IGF2: variants seen among roughly 807,000 people sequenced by gnomAD.
IGF2 encodes the protein insulin-like growth factor 2.
IGF2 carries 2 observed loss-of-function variants against 12.0 expected under a neutral mutation model. The ratio of observed to expected loss-of-function variants is 0.17; its 90% CI spans 0.07 to 0.52. IGF2 has a LOEUF of 0.52. Among genes scored for constraint, IGF2 ranks in the 20% least tolerant of loss-of-function variants. The pLI is 0.95. For missense variants in IGF2, 211 were observed against 268.0 expected (o/e 0.79, Z 1.48); for synonymous variants, 105 against 110.1 (o/e 0.95, Z 0.29).
upstream of IGF2, among the ~76,000 whole-genome samples, chr11:2,145,185 C>G (rs1249352104): frequency 6.6e-6 from 1 of 152,228 alleles, no homozygotes; most frequent in Non-Finnish European, 1.5e-5. Flanking sequence ...GCAGCCTCCC[C>G]GTGTCCCCAG....
chr11:2,142,111 A>AT (rs1006073650), upstream of IGF2, among the ~76,000 whole-genome samples: 1 of 151,818 alleles, frequency 6.6e-6, no homozygotes. The surrounding 1 kb of genome is among the most constrained non-coding windows in gnomAD (Gnocchi z 5.7). Context: ...ACCCAGGGAC[A>AT]TTTTTTAGTG....
rs11564732 is a variant in IGF2 at position 2,129,665 on chromosome 11, C to T, written c.*3322G>A. ...TGTTCCGAATGGCCCACTCACAGGG[C>T]GCTTGCCGAGGGACCCTCTGCGACT... On this transcript the variant is annotated 3_prime_UTR_variant, in exon 4 of 4. Coordinates refer to ENST00000416167, the MANE Select transcript of IGF2 (RefSeq NM_000612.6). The surrounding 1 kb of genome is among the most constrained non-coding windows in gnomAD (Gnocchi z 8.1). 0.026 allele frequency: 6,046 copies of T among 231,362 alleles called. 285 individuals carry two copies. The highest frequency in any genetic ancestry group is 0.15 in the Admixed American group (2,663 of 17,724). 14.3% of individuals were successfully genotyped at this position (231,362 alleles called of 1,614,324 possible).
chr11:2,129,919 A>G lies in IGF2; in HGVS notation c.*3068T>C, dbSNP rs1442988550. On this transcript the variant is annotated 3_prime_UTR_variant, in exon 4 of 4. Transcript: ENST00000416167. The surrounding 1 kb of genome is among the most constrained non-coding windows in gnomAD (Gnocchi z 8.1). ...ACCCGTGGGCTCCGGGGCCCAAGCA[A>G]CCTGGTCGATGGGCAGACCTGGCAG... 1.7e-5 allele frequency: 4 copies of G among 231,258 alleles called. No individual in the cohort carries two copies. The highest frequency in any genetic ancestry group is 8.9e-5 in the African/African-American group (4 of 45,176). The allele number at this position is 231,258 out of a possible 1,614,324, so 14.3% of individuals were successfully genotyped here. A position where few individuals can be genotyped will look rare whatever the true frequency, so the allele number is the denominator to read the frequency against.
In IGF2 at chr11:2,129,176, A is replaced by C. The variant is rs564295484; in HGVS notation, c.*3811T>G. 7.1e-4 allele frequency: 135 copies of C among 190,614 alleles called. 1 individual carries two copies. The South Asian group carries it at 0.025, about 35-fold the overall frequency. The allele number at this position is 190,614 out of a possible 1,614,324, so 11.8% of individuals were successfully genotyped here. A position where few individuals can be genotyped will look rare whatever the true frequency, so the allele number is the denominator to read the frequency against. ...GTTACAAGGTTAAAGACAAAACCCAAGCATGGGATTTTGCCGGAAATATTA... is the reference window on the plus strand; with the variant it reads ...GTTACAAGGTTAAAGACAAAACCCACGCATGGGATTTTGCCGGAAATATTA... On this transcript the variant is annotated 3_prime_UTR_variant, in exon 4 of 4. Transcript: ENST00000416167. This position sits in a 1 kb window ranked among gnomAD's most constrained non-coding sequence, Gnocchi z 8.1.
chr11:2,146,735 C>T, the IGF2 span: 2 of 272,538 alleles, frequency 7.3e-6, no homozygotes, highest in African/African-American at 2.2e-5. Flanking sequence ...CTGGATCCCT[C>T]CCTGCAGGCC....
In IGF2 at chr11:2,133,157, G is replaced by A. The variant is rs781325329; in HGVS notation, c.373C>T (p.Arg125Cys). 5 of 1,598,008 alleles carry A rather than the reference G, an allele frequency of 3.1e-6. No homozygotes were observed. The highest frequency in any genetic ancestry group is 1.7e-5 in the Admixed American group (1 of 57,614). The change falls in exon 4 of 4, where the codon CGC (arginine) becomes TGC (cysteine). Residue 125 changes from arginine (R) to cysteine (C), a missense_variant. This residue lies in a region of IGF2 where 141 missense variants were observed against 153.1 expected (regional missense o/e 0.92). Coordinates refer to ENST00000416167, the MANE Select transcript of IGF2 (RefSeq NM_000612.6). This position sits in a 1 kb window ranked among gnomAD's most constrained non-coding sequence, Gnocchi z 8.9. ...AGGGCAGGCAGGCCCCTGCGCAGGC[G>A]CTGGGTGGACTGCTTCCAGGTGTCA... ...QYDTWKQSTQRLRRGLPALLR... is the reference protein window; with the variant it reads ...QYDTWKQSTQCLRRGLPALLR...
In IGF2 at chr11:2,133,037, C is replaced by A; in HGVS notation, c.493G>T (p.Asp165Tyr). ...HRPLIALPTQ[D>Y]PAHGGAPPEM... ...GGGGGGGCGCCCCCGTGGGCGGGGTCTTGGGTGGGTAGAGCAATCAGGGGA... is the reference window on the plus strand; with the variant it reads ...GGGGGGGCGCCCCCGTGGGCGGGGTATTGGGTGGGTAGAGCAATCAGGGGA... The change falls in exon 4 of 4, where the codon GAC becomes TAC. Residue 165 changes from aspartate (D) to tyrosine (Y), a missense_variant. Physicochemically the swap from Asp to Tyr is radical, Grantham distance 160. This residue lies in a region of IGF2 where 141 missense variants were observed against 153.1 expected (regional missense o/e 0.92). Transcript: ENST00000416167. The surrounding 1 kb of genome is among the most constrained non-coding windows in gnomAD (Gnocchi z 8.9). 1 of 1,585,754 alleles carries A rather than the reference C, an allele frequency of 6.3e-7. No individual in the cohort carries two copies. The highest frequency in any genetic ancestry group is 1.1e-5 in the South Asian group (1 of 88,558).
the IGF2 span, chr11:2,148,890 A>G: frequency 3.5e-6 from 2 of 567,912 alleles, no homozygotes; most frequent in Non-Finnish European, 3.1e-6. This position sits in a 1 kb window ranked among gnomAD's most constrained non-coding sequence, Gnocchi z 4.3. Flanking sequence ...CAAAAGCCTC[A>G]GTGGCTTTGT....
In IGF2 at chr11:2,138,803, G is replaced by A. The variant is rs1427854638; in HGVS notation, c.-581C>T. On this transcript the variant is annotated 5_prime_UTR_variant, in exon 1 of 4. Coordinates refer to ENST00000416167, the MANE Select transcript of IGF2 (RefSeq NM_000612.6). ...GGGGGCCGGGGCCAGACGCCAAGAG[G>A]GGCGCGGGGAGCACAGAGAAGCGGA... The A allele has an allele frequency of 3.2e-6, 3 of 949,050 alleles. No individual in the cohort carries two copies. The highest frequency in any genetic ancestry group is 1.2e-4 in the East Asian group (1 of 8,468). The allele number at this position is 949,050 out of a possible 1,614,324, so 58.8% of individuals were successfully genotyped here.
chr11:2,143,926 C>T (rs911802377), upstream of IGF2, among the ~76,000 whole-genome samples: 85 of 152,302 alleles, frequency 5.6e-4, no homozygotes, highest in African/African-American at 2.0e-3. Context: ...AAGGAAGGCG[C>T]TGCCGGGGAT....
At position 2,131,993 on chromosome 11, in the gene IGF2, G is replaced by A. The variant is rs945296860; in HGVS notation, c.*994C>T. 5.4e-5 allele frequency: 10 copies of A among 186,542 alleles called. No individual in the cohort carries two copies. Among genetic ancestry groups the A allele is most frequent in the East Asian group, 4.1e-4 (5 of 12,236 alleles). The allele number at this position is 186,542 out of a possible 1,614,324, so 11.6% of individuals were successfully genotyped here. ...ATGTGTGTGCGTGTGTGTGCTGTGC[G>A]TTTGTGTGTGTGCTGTGTGCTCATC... On this transcript the variant is annotated 3_prime_UTR_variant, in exon 4 of 4. Coordinates refer to ENST00000416167, the MANE Select transcript of IGF2 (RefSeq NM_000612.6).
At chr11:2,145,709 C>A (rs1859881139), upstream of IGF2, among the ~76,000 whole-genome samples, 1 of 152,130 alleles carries the variant, frequency 6.6e-6, no homozygotes, top group Non-Finnish European at 1.5e-5. Flanking sequence ...GAGGGAGGAG[C>A]AGGTGGGGGA....
At chr11:2,134,925 T>C (rs3213226) in intron 2 of IGF2, among the ~76,000 whole-genome samples, 1,919 of 152,348 alleles carry the variant, frequency 0.013, 36 homozygotes, top group African/African-American at 0.044. Context: ...ATTTTAATTA[T>C]ATAAATCACT....
At chr11:2,142,321 A>G (rs1267429780), upstream of IGF2, among the ~76,000 whole-genome samples, 2 of 152,146 alleles carry the variant, frequency 1.3e-5, no homozygotes, top group Non-Finnish European at 2.9e-5. This position sits in a 1 kb window ranked among gnomAD's most constrained non-coding sequence, Gnocchi z 5.7. Flanking sequence ...TTTTGAATCT[A>G]AAGATCTAGG....
Position 2,132,702 on chromosome 11 carries a change from T to G in IGF2, c.*285A>C, listed in dbSNP as rs1590113174. On this transcript the variant is annotated 3_prime_UTR_variant, in exon 4 of 4. Coordinates refer to ENST00000416167, the MANE Select transcript of IGF2 (RefSeq NM_000612.6). Reference sequence around the variant, plus strand: ...TAGTTTAATGTTTTGATTTTTTATGTGTGGGGATAATTGGGGATAATTTGG... The same window carrying G: ...TAGTTTAATGTTTTGATTTTTTATGGGTGGGGATAATTGGGGATAATTTGG... 3 of 258,678 alleles carry G rather than the reference T, an allele frequency of 1.2e-5. No homozygotes were observed. The highest frequency in any genetic ancestry group is 2.1e-5 in the Non-Finnish European group (3 of 143,048). The allele number at this position is 258,678 out of a possible 1,614,324, so 16.0% of individuals were successfully genotyped here.
chr11:2,129,863 G>A lies in IGF2; in HGVS notation c.*3124C>T, dbSNP rs1590107158. The A allele has an allele frequency of 9.0e-5, 21 of 232,166 alleles. No individual in the cohort carries two copies. The South Asian group carries it at 3.1e-3, about 34-fold the overall frequency. The allele number at this position is 232,166 out of a possible 1,614,324, so 14.4% of individuals were successfully genotyped here. The stretch of plus-strand genomic sequence containing the variant: ...CCGAGTCCCTGCCGCAGCCCTAGGC[G>A]CCGCGGTGGTGGCTGCTATGGCATC... On this transcript the variant is annotated 3_prime_UTR_variant, in exon 4 of 4. Coordinates refer to ENST00000416167, the MANE Select transcript of IGF2 (RefSeq NM_000612.6). This position sits in a 1 kb window ranked among gnomAD's most constrained non-coding sequence, Gnocchi z 8.1.
chr11:2,138,305 G>C lies in IGF2; in HGVS notation c.-83C>G. The C allele has an allele frequency of 1.0e-6, 1 of 984,880 alleles. No individual in the cohort carries two copies. Among genetic ancestry groups the C allele is most frequent in the Non-Finnish European group, 1.2e-6 (1 of 829,690 alleles). 61.0% of individuals were successfully genotyped at this position (984,880 alleles called of 1,614,324 possible). ...AACAGCGGGCGTTGGCCCTCCTGCC[G>C]GACACTCCTCTGCCAGCGCCGCTCT... is the stretch of plus-strand genomic sequence containing the variant. On this transcript the variant is annotated 5_prime_UTR_variant, in exon 1 of 4. Coordinates refer to ENST00000416167, the MANE Select transcript of IGF2 (RefSeq NM_000612.6).
chr11:2,133,011 T>C lies in IGF2; in HGVS notation c.519A>G (p.Pro173=). Residue 173 remains proline, a synonymous_variant, in exon 4 of 4, where the codon CCA becomes CCG. Transcript: ENST00000416167. The surrounding 1 kb of genome is among the most constrained non-coding windows in gnomAD (Gnocchi z 8.9). ...TQDPAHGGAP[P]EMASNRK ...CTCACTTCCGATTGCTGGCCATCTC[T>C]GGGGGGGCGCCCCCGTGGGCGGGGT... The C allele has an allele frequency of 6.5e-7, 1 of 1,545,982 alleles. No homozygotes were observed. Among genetic ancestry groups the C allele is most frequent in the Non-Finnish European group, 8.7e-7 (1 of 1,146,162 alleles).
intron 1 of IGF2, among the ~76,000 whole-genome samples, chr11:2,137,633 G>C (rs1490705876): frequency 6.6e-6 from 1 of 152,010 alleles, no homozygotes; most frequent in African/African-American, 2.4e-5. Flanking sequence ...GCCCTTCTTA[G>C]CCTCAGACCA....
Sources: allele counts gnomAD v4.1 joint callset (sites outside exome capture counted in the v4.1 genomes callset), GRCh38; gene constraint gnomAD v4.1.1; regional missense constraint gnomAD v4.1.1; non-coding constraint Gnocchi (gnomAD v3.1); transcripts MANE v1.5; gene names NCBI Gene and HGNC (gene_info 2026-07-23, HGNC 2026-07-21).